HHLA2: variants seen among roughly 807,000 people sequenced by gnomAD.
HHLA2 encodes the protein HERV-H LTR-associating protein 2.
HHLA2 carries 48 observed loss-of-function variants against 45.9 expected under a neutral mutation model. The ratio of observed to expected loss-of-function variants is 1.05; its 90% CI spans 0.83 to 1.33. The LOEUF (loss-of-function observed/expected upper bound fraction) is 1.33, where lower values mean the gene tolerates loss of function less well. Ranked by LOEUF, HHLA2 falls within the 40% of genes most tolerant of loss-of-function variation. The pLI, the probability that HHLA2 is intolerant of heterozygous loss-of-function variation, is 0.00. For synonymous variants in HHLA2, 161 were observed against 173.9 expected (o/e 0.93, Z 0.59); for missense variants, 462 against 494.3 (o/e 0.93, Z 0.62).
intron 3 of HHLA2, among the ~76,000 whole-genome samples, chr3:108,345,881 T>C (rs950966327): frequency 2.0e-5 from 3 of 152,164 alleles, no homozygotes; most frequent in Non-Finnish European, 4.4e-5. Context: ...GGGGGCAACT[T>C]ATAGATAAAT....
rs545112111 is a variant in HHLA2, at chr3:108,371,916, A to G, written c.1109-3834A>G. On this transcript the variant is annotated intron_variant, in intron 8 of 10. Transcript: ENST00000619531. ...CCCACTGTCAACATTAGACAGATCA[A>G]TGAGACAGAAAGTTAACAAGGATAT... is the stretch of plus-strand genomic sequence containing the variant. 6.7e-3 allele frequency among the ~76,000 whole-genome samples: 1,026 copies of G among 152,310 alleles called. 5 individuals carry two copies. Among genetic ancestry groups the G allele is most frequent in the Non-Finnish European group, 0.01 (711 of 68,022 alleles).
chr3:108,348,587 GGAGA>G (rs948060698), intron 3 of HHLA2, among the ~76,000 whole-genome samples: 3 of 151,816 alleles, frequency 2.0e-5, no homozygotes, highest in African/African-American at 4.8e-5. Context: ...AATTGATTCA[GGAGA>G]GAGAGAGAGA....
At chr3:108,338,001 A>G (rs2081503326) in intron 3 of HHLA2, among the ~76,000 whole-genome samples, 1 of 152,136 alleles carries the variant, frequency 6.6e-6, no homozygotes, top group African/African-American at 2.4e-5. Context: ...CTCACCAATA[A>G]TATAAGCCAC....
chr3:108,328,091 C>A (rs2081319222), intron 2 of HHLA2, among the ~76,000 whole-genome samples: 1 of 152,094 alleles, frequency 6.6e-6, no homozygotes, highest in Admixed American at 6.6e-5. Context: ...TGAGATCATG[C>A]CACTGCACTC....
intron 8 of HHLA2, among the ~76,000 whole-genome samples, chr3:108,367,061 A>G (rs1215005035): frequency 1.3e-5 from 2 of 152,190 alleles, no homozygotes; most frequent in Non-Finnish European, 2.9e-5. Flanking sequence ...ACCCAGGCAA[A>G]TAGGAACTGG....
At chr3:108,363,658 G>A (rs1449012825) in intron 8 of HHLA2, among the ~76,000 whole-genome samples, 4 of 152,264 alleles carry the variant, frequency 2.6e-5, no homozygotes, top group East Asian at 3.9e-4. Flanking sequence ...GCCTGTCCAC[G>A]AAGATCAACC....
intron 2 of HHLA2, among the ~76,000 whole-genome samples, chr3:108,313,357 A>G (rs2081051570): frequency 6.6e-6 from 1 of 152,148 alleles, no homozygotes; most frequent in South Asian, 2.1e-4. Flanking sequence ...TTGGATCCCA[A>G]CCATTGGGAA....
intron 2 of HHLA2, 67 bp downstream of exon 2, chr3:108,310,808 C>A (rs2081005748): frequency 6.6e-6 from 1 of 152,502 alleles, no homozygotes; most frequent in Non-Finnish European, 1.5e-5. Context: ...AATTTTAATA[C>A]AACATTTAAA....
chr3:108,377,357 A>G, exon 11 of HHLA2: 5 of 1,036,908 alleles, frequency 4.8e-6, no homozygotes, highest in Non-Finnish European at 7.4e-6. Context: ...CTTCACCACA[A>G]TTCCAGGCAA....
chr3:108,300,439 G>T (rs1180832373), intron 1 of HHLA2, among the ~76,000 whole-genome samples: 1 of 152,150 alleles, frequency 6.6e-6, no homozygotes, highest in Non-Finnish European at 1.5e-5. Context: ...AACCAGTTAG[G>T]GGGTAGAGAA....
intron 3 of HHLA2, among the ~76,000 whole-genome samples, chr3:108,329,170 A>G (rs2107373008): frequency 1.3e-5 from 2 of 152,328 alleles, no homozygotes; most frequent in Middle Eastern, 3.4e-3. Flanking sequence ...GCATGTTAAG[A>G]CTTCCCTGTA....
chr3:108,310,970 C>A (rs2081008933), intron 2 of HHLA2, among the ~76,000 whole-genome samples: 1 of 152,126 alleles, frequency 6.6e-6, no homozygotes, highest in South Asian at 2.1e-4. Flanking sequence ...AACTTATAGA[C>A]CTTCCATGTT....
At chr3:108,352,715 A>G (rs2081802751) in intron 4 of HHLA2, among the ~76,000 whole-genome samples, 1 of 152,244 alleles carries the variant, frequency 6.6e-6, no homozygotes, top group Non-Finnish European at 1.5e-5. Flanking sequence ...TGTGAAGTTG[A>G]CAGTGAAAAG....
chr3:108,348,269 G>A (rs1004678000), intron 3 of HHLA2, among the ~76,000 whole-genome samples: 1 of 152,026 alleles, frequency 6.6e-6, no homozygotes, highest in Non-Finnish European at 1.5e-5. Context: ...ACCAAGAGAA[G>A]ACTCTTAACA....
At chr3:108,375,223 G>A (rs567517007) in intron 8 of HHLA2, among the ~76,000 whole-genome samples, 7 of 151,258 alleles carry the variant, frequency 4.6e-5, no homozygotes, top group African/African-American at 1.5e-4. Flanking sequence ...AGTAACTATC[G>A]CAAGGACAAA....
intron 3 of HHLA2, among the ~76,000 whole-genome samples, chr3:108,330,354 A>G (rs972242771): frequency 6.6e-6 from 1 of 152,124 alleles, no homozygotes; most frequent in Admixed American, 6.5e-5. Context: ...CTTGCCCCCA[A>G]TGTACACACT....
At chr3:108,342,080 G>A (rs947898160) in intron 3 of HHLA2, among the ~76,000 whole-genome samples, 1 of 152,056 alleles carries the variant, frequency 6.6e-6, no homozygotes, top group African/African-American at 2.4e-5. Flanking sequence ...AGAGGCAGTC[G>A]CGTCCTGCAA....
At chr3:108,330,047 G>C (rs1239410641) in intron 3 of HHLA2, among the ~76,000 whole-genome samples, 4 of 152,094 alleles carry the variant, frequency 2.6e-5, no homozygotes, top group Non-Finnish European at 5.9e-5. Flanking sequence ...GCTGGTGGGA[G>C]GATTCAGTGC....
At chr3:108,350,058 G>A (rs970045852) in intron 3 of HHLA2, among the ~76,000 whole-genome samples, 1 of 152,032 alleles carries the variant, frequency 6.6e-6, no homozygotes, top group Non-Finnish European at 1.5e-5. Context: ...ATTATTACAT[G>A]TTTACATATT....
Sources: allele counts gnomAD v4.1 joint callset (sites outside exome capture counted in the v4.1 genomes callset), GRCh38; gene constraint gnomAD v4.1.1; transcripts MANE v1.5; gene names NCBI Gene and HGNC (gene_info 2026-07-23, HGNC 2026-07-21).